The following KCTD19 variants were observed in gnomAD, a reference collection of about 807,000 sequenced individuals.
KCTD19 encodes the protein potassium channel tetramerization domain containing 19.
KCTD19 carries 67 observed loss-of-function variants against 103.5 expected under a neutral mutation model. That is an observed-to-expected ratio of 0.65 (90% CI 0.53 to 0.79). The LOEUF (loss-of-function observed/expected upper bound fraction) is 0.79, where lower values mean the gene tolerates loss of function less well. Among genes scored for constraint, KCTD19 ranks in the 30% least tolerant of loss-of-function variants. The pLI, the probability that KCTD19 is intolerant of heterozygous loss-of-function variation, is 0.00. For synonymous variants in KCTD19, 439 were observed against 452.2 expected, an observed-to-expected ratio of 0.97 and a Z score of 0.37; for missense variants, 980 against 1,136.1, an observed-to-expected ratio of 0.86 and a Z score of 1.98.
At position 67,310,972 on chromosome 16, in the gene KCTD19, G is replaced by A. The variant is rs913824081; in HGVS notation, c.301-6401C>T. On this transcript the variant is annotated intron_variant, in intron 2 of 15. Transcript: ENST00000304372. ...CAAAGCCAAATAAGACGCAGCTTTCGGCATTTAAAACCTACCCCTTCACTG... is the reference window on the plus strand; with the variant it reads ...CAAAGCCAAATAAGACGCAGCTTTCAGCATTTAAAACCTACCCCTTCACTG... Among the ~76,000 whole-genome samples the A allele has an allele frequency of 4.6e-5, 7 of 152,154 alleles. No individual in the cohort carries two copies. In the South Asian group the frequency reaches 8.3e-4, roughly 18 times the overall value.
chr16:67,310,144 G>A (rs2036934889), intron 2 of KCTD19, among the ~76,000 whole-genome samples: 1 of 152,078 alleles, frequency 6.6e-6, no homozygotes, highest in Non-Finnish European at 1.5e-5. Flanking sequence ...AAAGCCATTC[G>A]GGTGCTATAA....
At position 67,303,118 on chromosome 16, in the gene KCTD19, C is replaced by A; in HGVS notation, c.643+28G>T. The A allele has an allele frequency of 2.1e-6, 1 of 479,068 alleles. No individual in the cohort carries two copies. Among genetic ancestry groups the A allele is most frequent in the South Asian group, 1.7e-5 (1 of 58,762 alleles). 29.7% of individuals were successfully genotyped at this position (479,068 alleles called of 1,614,324 possible). Reference sequence around the variant, plus strand: ...GTGAATGGGCCCTATCAGCCCGCCCCCCACCCCACCCCGGACAGAGCAATC... The same window carrying A: ...GTGAATGGGCCCTATCAGCCCGCCCACCACCCCACCCCGGACAGAGCAATC... On this transcript the variant is annotated intron_variant, in intron 4 of 15. Transcript: ENST00000304372. This position sits in a 1 kb window ranked among gnomAD's most constrained non-coding sequence, Gnocchi z 4.3.
At chr16:67,308,373 C>T (rs1399907116) in intron 2 of KCTD19, among the ~76,000 whole-genome samples, 2 of 151,972 alleles carry the variant, frequency 1.3e-5, no homozygotes, top group Non-Finnish European at 2.9e-5. Flanking sequence ...CTATGTGGCC[C>T]AGGCTGGTCT....
intron 9 of KCTD19, 35 bp downstream of exon 9, chr16:67,295,228 G>A (rs748406212): frequency 9.3e-6 from 15 of 1,608,962 alleles, no homozygotes; most frequent in Middle Eastern, 1.6e-4. Flanking sequence ...GTCAGCCTTC[G>A]TGATTTCATC....
chr16:67,311,620 G>A (rs934667256), intron 2 of KCTD19, among the ~76,000 whole-genome samples: 6 of 152,074 alleles, frequency 3.9e-5, no homozygotes, highest in African/African-American at 1.4e-4. Flanking sequence ...TCTTAAAAGG[G>A]GAGAAATCCA....
chr16:67,302,533 G>T (rs567973612), intron 4 of KCTD19: 166 of 155,702 alleles, frequency 1.1e-3, no homozygotes, highest in Admixed American at 1.9e-3. Context: ...TGGGGTCAAA[G>T]AGATCATTCA....
intron 14 of KCTD19, 112 bp from the exon 15 acceptor site, chr16:67,291,098 G>A: frequency 8.0e-7 from 1 of 1,246,614 alleles, no homozygotes; most frequent in Non-Finnish European, 1.1e-6. Context: ...TAGGGGGCGG[G>A]CACTGTCACT....
chr16:67,291,730 T>C lies in KCTD19; in HGVS notation c.2326A>G (p.Met776Val). Residue 776 changes from methionine to valine, a missense_variant, in exon 13 of 16, where the codon ATG becomes GTG. Coordinates refer to ENST00000304372, the MANE Select transcript of KCTD19 (RefSeq NM_001100915.3). ...PPVVGSDGFC[M>V]FFEDSIIYTT... is the part of the protein sequence containing the mutation. ...TAGATGATGCTGTCCTCAAAGAACA[T>C]GCAGAAGCCATCGCTGCCCACCACG... 6.2e-7 allele frequency: 1 copy of C among 1,614,140 alleles called. No individual in the cohort carries two copies. The highest frequency in any genetic ancestry group is 2.2e-5 in the East Asian group (1 of 44,868).
rs74507704 is a variant in KCTD19 at position 67,323,891 on chromosome 16, CA to C, written c.3+2813del. Among the ~76,000 whole-genome samples, 1,264 of 125,728 alleles carry C rather than the reference CA, an allele frequency of 0.01. 9 individuals are homozygous for C. Among genetic ancestry groups the C allele is most frequent in the African/African-American group, 0.029 (970 of 33,874 alleles). 82.5% of individuals were successfully genotyped at this position (125,728 alleles called of 152,430 possible). Reference sequence around the variant, plus strand: ...TGTGAATTATATCTCAATAGATCTACAAAAAAAAAAAAAGATGAGGTACTGT... The same window carrying C: ...TGTGAATTATATCTCAATAGATCTACAAAAAAAAAAAAGATGAGGTACTGT... On this transcript the variant is annotated intron_variant, in intron 1 of 15. Coordinates refer to ENST00000304372, the MANE Select transcript of KCTD19 (RefSeq NM_001100915.3). This position sits in a 1 kb window ranked among gnomAD's most constrained non-coding sequence, Gnocchi z 4.1.
chr16:67,297,988 C>CACCATG (rs2036786881), intron 6 of KCTD19, among the ~76,000 whole-genome samples: 2 of 134,766 alleles, frequency 1.5e-5, no homozygotes, highest in East Asian at 2.1e-4. Context: ...GACGGGGTTT[C>CACCATG]TTTTTTTTTT....
In KCTD19 at chr16:67,299,457, G is replaced by A. The variant is rs2036808069; in HGVS notation, c.892C>T (p.Pro298Ser). Residue 298 changes from proline to serine, a missense_variant, in exon 6 of 16, where the codon CCG (proline) becomes TCG (serine). Pro to Ser is a moderately conservative substitution (Grantham distance 74). Coordinates refer to ENST00000304372, the MANE Select transcript of KCTD19 (RefSeq NM_001100915.3). ...TMALGLLVKY[P>S]DSALGQLRIE... ...CGAAGCTGGCCCAGCGCAGAGTCCG[G>A]GTACTTGACCAGCAGACCCAGGGCC... The A allele has an allele frequency of 6.2e-7, 1 of 1,614,228 alleles. No homozygotes were observed. Among genetic ancestry groups the A allele is most frequent in the Non-Finnish European group, 8.5e-7 (1 of 1,180,036 alleles).
intron 2 of KCTD19, among the ~76,000 whole-genome samples, 161 bp from the exon 3 acceptor site, chr16:67,304,732 C>T (rs1266358064): frequency 6.6e-6 from 1 of 151,502 alleles, no homozygotes; most frequent in African/African-American, 2.4e-5. Flanking sequence ...GGTGCGATCT[C>T]AGCTCACTGC....
intron 2 of KCTD19, among the ~76,000 whole-genome samples, chr16:67,314,001 C>T (rs2036976157): frequency 6.6e-6 from 1 of 152,024 alleles, no homozygotes; most frequent in South Asian, 2.1e-4. Context: ...AGACTACAGG[C>T]ACATGCTACC....
intron 2 of KCTD19, among the ~76,000 whole-genome samples, chr16:67,311,834 C>T (rs934574303): frequency 7.9e-5 from 12 of 152,016 alleles, no homozygotes; most frequent in African/African-American, 1.2e-4. Flanking sequence ...CCTGATGCCA[C>T]GTCAAGGGGT....
rs2036733059 is a variant in KCTD19, at chr16:67,293,978, C to T, written c.1784G>A (p.Cys595Tyr). 13 of 1,614,168 alleles carry T rather than the reference C, an allele frequency of 8.1e-6. No individual in the cohort carries two copies. Among genetic ancestry groups the T allele is most frequent in the Non-Finnish European group, 1.1e-5 (13 of 1,180,042 alleles). ...GCTCCCCCAGTGTCCAGGATTGGTA[C>T]ACAAGCCACGGCAGTGTGAGTATGT... ...PSTYSHCRGL[C>Y]TNPGHWGSHP... The change falls in exon 12 of 16, where the codon TGT becomes TAT. Residue 595 changes from cysteine (C) to tyrosine (Y), a missense_variant. Coordinates refer to ENST00000304372, the MANE Select transcript of KCTD19 (RefSeq NM_001100915.3). The surrounding 1 kb of genome is among the most constrained non-coding windows in gnomAD (Gnocchi z 4.0).
chr16:67,292,604 C>T (rs2036712706), intron 12 of KCTD19, among the ~76,000 whole-genome samples: 1 of 152,182 alleles, frequency 6.6e-6, no homozygotes, highest in South Asian at 2.1e-4. Flanking sequence ...AAGAAGGCCC[C>T]TCCAAGCAGG....
At chr16:67,318,967 A>T (rs1180660238) in intron 2 of KCTD19, among the ~76,000 whole-genome samples, 4 of 152,204 alleles carry the variant, frequency 2.6e-5, no homozygotes, top group African/African-American at 7.2e-5. Flanking sequence ...TCACGCCTAT[A>T]ATCCCAGCAG....
chr16:67,303,108 C>CGGGGGGGGGGGGGGGGGGGGGCGGGG lies in KCTD19; in HGVS notation c.643+37_643+38insCCCCGCCCCCCCCCCCCCCCCCCCCC. ...ATGGGGAGGGGTGAATGGGCCCTAT[C>CGGGGGGGGGGGGGGGGGGGGGCGGGG]AGCCCGCCCCCCACCCCACCCCGGA... On this transcript the variant is annotated intron_variant, in intron 4 of 15. Coordinates refer to ENST00000304372, the MANE Select transcript of KCTD19 (RefSeq NM_001100915.3). This position sits in a 1 kb window ranked among gnomAD's most constrained non-coding sequence, Gnocchi z 4.3. The CGGGGGGGGGGGGGGGGGGGGGCGGGG allele has an allele frequency of 1.3e-6, 1 of 798,078 alleles. No individual in the cohort carries two copies. The allele number at this position is 798,078 out of a possible 1,614,324, so 49.4% of individuals were successfully genotyped here. A position where few individuals can be genotyped will look rare whatever the true frequency, so the allele number is the denominator to read the frequency against.
chr16:67,291,725 GA>G lies in KCTD19; in HGVS notation c.2330del (p.Phe777SerfsTer29). 1 of 1,614,148 alleles carries G rather than the reference GA, an allele frequency of 6.2e-7. No individual in the cohort carries two copies. The highest frequency in any genetic ancestry group is 8.5e-7 in the Non-Finnish European group (1 of 1,179,998). The stretch of plus-strand genomic sequence containing the variant: ...TGGTATAGATGATGCTGTCCTCAAA[GA>G]ACATGCAGAAGCCATCGCTGCCCAC... ...PVVGSDGFCMFFEDSIIYTTE... is the reference protein window; with the variant it reads ...PVVGSDGFCMXFEDSIIYTTE... On this transcript the variant is annotated frameshift_variant, in exon 13 of 16. Coordinates refer to ENST00000304372, the MANE Select transcript of KCTD19 (RefSeq NM_001100915.3). LOFTEE classifies it high-confidence loss of function.
Sources: allele counts gnomAD v4.1 joint callset (sites outside exome capture counted in the v4.1 genomes callset), GRCh38; gene constraint gnomAD v4.1.1; non-coding constraint Gnocchi (gnomAD v3.1); transcripts MANE v1.5; gene names NCBI Gene and HGNC (gene_info 2026-07-23, HGNC 2026-07-21).